CADM2: variants seen among roughly 807,000 people sequenced by gnomAD.
CADM2 encodes the protein immunoglobulin superfamily member 4D.
In CADM2, 12 loss-of-function variants were observed where a neutral mutation model predicts 49.8. The observed-to-expected ratio is 0.24, with a 90% CI of 0.15 to 0.39. The LOEUF (loss-of-function observed/expected upper bound fraction) is 0.39, where lower values mean the gene tolerates loss of function less well. Ranked by LOEUF, CADM2 falls within the 10% of genes least tolerant of loss-of-function variation. CADM2 has a pLI of 1.00. For missense variants in CADM2, 378 were observed against 492.3 expected (o/e 0.77, Z 2.20); for synonymous variants, 214 against 175.4 (o/e 1.22, Z -1.74).
intron 1 of CADM2, among the ~76,000 whole-genome samples, chr3:84,960,874 G>A (rs2030444071): frequency 6.6e-6 from 1 of 152,144 alleles, no homozygotes; most frequent in African/African-American, 2.4e-5. Context: ...CGGCGTGCTA[G>A]GGCTAGGTGG....
chr3:85,951,173 G>A (rs1723381570), intron 7 of CADM2, among the ~76,000 whole-genome samples: 1 of 150,980 alleles, frequency 6.6e-6, no homozygotes, highest in Admixed American at 6.6e-5. Context: ...ATAATTGTGA[G>A]GATGGAATAA....
chr3:85,508,857 G>A (rs1487151766), intron 1 of CADM2, among the ~76,000 whole-genome samples: 2 of 151,942 alleles, frequency 1.3e-5, no homozygotes, highest in African/African-American at 4.8e-5. Context: ...GTGTGTGTGT[G>A]TGTGTGTATT....
At chr3:85,793,114 T>C (rs1039045589) in intron 2 of CADM2, among the ~76,000 whole-genome samples, 5 of 152,166 alleles carry the variant, frequency 3.3e-5, no homozygotes, top group African/African-American at 1.2e-4. Context: ...TTTCTCTAAG[T>C]ATATGACAGA....
At chr3:85,156,744 C>A (rs2040138442) in intron 1 of CADM2, among the ~76,000 whole-genome samples, 1 of 152,178 alleles carries the variant, frequency 6.6e-6, no homozygotes, top group African/African-American at 2.4e-5. Context: ...ACTGAAGGGG[C>A]AAAAACTGGA....
At chr3:85,883,501 C>T in intron 4 of CADM2, 58 bp downstream of exon 4, 2 of 1,382,318 alleles carry the variant, frequency 1.4e-6, no homozygotes, top group Non-Finnish European at 2.0e-6. Context: ...TATATTGCTA[C>T]AGCAACATAA....
intron 1 of CADM2, among the ~76,000 whole-genome samples, chr3:85,183,886 A>G (rs772038172): frequency 1.3e-5 from 2 of 152,186 alleles, no homozygotes; most frequent in African/African-American, 2.4e-5. Flanking sequence ...AATAAGCATT[A>G]ACTCAGTGGG....
chr3:85,283,209 TAAC>T (rs1268045636), intron 1 of CADM2, among the ~76,000 whole-genome samples: 2 of 152,018 alleles, frequency 1.3e-5, no homozygotes, highest in Non-Finnish European at 2.9e-5. Flanking sequence ...CATTTTCTAT[TAAC>T]AATTTGAAAT....
chr3:86,056,753 C>A (rs1037764301), intron 8 of CADM2, among the ~76,000 whole-genome samples: 1 of 152,148 alleles, frequency 6.6e-6, no homozygotes, highest in East Asian at 1.9e-4. Context: ...ACAAACCAAA[C>A]TAAAACAAAG....
At chr3:85,658,254 G>C (rs994997097) in intron 1 of CADM2, among the ~76,000 whole-genome samples, 6 of 151,954 alleles carry the variant, frequency 3.9e-5, no homozygotes, top group Admixed American at 3.9e-4. Flanking sequence ...GCCATGTGAA[G>C]ATGAAGGAAG....
intron 5 of CADM2, among the ~76,000 whole-genome samples, chr3:85,897,459 CG>C (rs1170256929): frequency 1.3e-5 from 2 of 149,162 alleles, no homozygotes; most frequent in Non-Finnish European, 3.0e-5. Context: ...TTAGTAGAGA[CG>C]GGGTTTCACC....
chr3:86,013,153 TAA>T, intron 8 of CADM2: 1 of 1,351,804 alleles, frequency 7.4e-7, no homozygotes, highest in Non-Finnish European at 1.1e-6. Flanking sequence ...AGAAAACGAA[TAA>T]AAGAACTGAG....
At chr3:85,232,280 G>A (rs1213557463) in intron 1 of CADM2, among the ~76,000 whole-genome samples, 4 of 151,780 alleles carry the variant, frequency 2.6e-5, no homozygotes, top group African/African-American at 9.7e-5. Flanking sequence ...AAGATCCTTG[G>A]GGACAACATG....
chr3:85,862,490 A>G (rs2075574038), intron 3 of CADM2, among the ~76,000 whole-genome samples: 1 of 152,172 alleles, frequency 6.6e-6, no homozygotes, highest in East Asian at 1.9e-4. Flanking sequence ...AACGTAGTCT[A>G]CATTGTGAGC....
chr3:85,327,047 C>CTT (rs1190993392), intron 1 of CADM2, among the ~76,000 whole-genome samples: 1 of 147,136 alleles, frequency 6.8e-6, no homozygotes, highest in African/African-American at 2.5e-5. Flanking sequence ...CTTTTTTTTT[C>CTT]TTTTTTTCTT....
intron 1 of CADM2, among the ~76,000 whole-genome samples, chr3:85,272,633 G>T (rs1018600778): frequency 1.3e-5 from 2 of 151,266 alleles, no homozygotes; most frequent in Non-Finnish European, 1.5e-5. Flanking sequence ...CTCAGCACTA[G>T]AACAGAACTA....
rs143397760 is a variant in CADM2, at chr3:86,029,478, TAGG to T, written c.971-36124_971-36122del. 5.9e-3 allele frequency among the ~76,000 whole-genome samples: 892 copies of T among 152,106 alleles called. 9 individuals are homozygous for T. Among genetic ancestry groups the T allele is most frequent in the East Asian group, 0.05 (257 of 5,176 alleles). On this transcript the variant is annotated intron_variant, in intron 8 of 9. Coordinates refer to ENST00000383699, the MANE Select transcript of CADM2 (RefSeq NM_001167675.2). The stretch of plus-strand genomic sequence containing the variant: ...GGTTTTGGGGGGAAAAGGTGAGAAG[TAGG>T]AGAGAGTTTGGGTTAGAAAATAACA...
chr3:85,658,377 C>T (rs2107602092), intron 1 of CADM2, among the ~76,000 whole-genome samples: 2 of 151,726 alleles, frequency 1.3e-5, no homozygotes, highest in East Asian at 3.9e-4. Context: ...CTGTCTGATA[C>T]CTTCATCTAG....
chr3:85,442,050 C>T (rs1202408814), intron 1 of CADM2, among the ~76,000 whole-genome samples: 2 of 152,020 alleles, frequency 1.3e-5, no homozygotes, highest in African/African-American at 4.8e-5. Flanking sequence ...GTATACAAAA[C>T]CAGAGAAGAC....
At chr3:85,685,883 C>T (rs1172892803) in intron 1 of CADM2, among the ~76,000 whole-genome samples, 5 of 151,760 alleles carry the variant, frequency 3.3e-5, no homozygotes, top group Non-Finnish European at 5.9e-5. Context: ...CTCGGCTTCC[C>T]AAAGTGCTGG....
Sources: allele counts gnomAD v4.1 joint callset (sites outside exome capture counted in the v4.1 genomes callset), GRCh38; gene constraint gnomAD v4.1.1; transcripts MANE v1.5; gene names NCBI Gene and HGNC (gene_info 2026-07-23, HGNC 2026-07-21).